The following ATP2B1 variants were observed in gnomAD, a reference collection of about 807,000 sequenced individuals.
The protein encoded by ATP2B1 is ATPase plasma membrane Ca2+ transporting 1.
ATP2B1 carries 14 observed loss-of-function variants against 124.2 expected under a neutral mutation model. The observed-to-expected ratio is 0.11, with a 90% confidence interval of 0.07 to 0.18. ATP2B1 has a LOEUF of 0.18. ATP2B1 is among the 10% of genes least tolerant of loss of function. The pLI is 1.00. For synonymous variants in ATP2B1, 449 were observed against 492.4 expected (o/e 0.91, Z 1.17); for missense variants, 763 against 1,466.1 (o/e 0.52, Z 7.83).
chr12:89,682,928 T>C (rs1419062246), intron 1 of ATP2B1, among the ~76,000 whole-genome samples: 1 of 151,916 alleles, frequency 6.6e-6, no homozygotes, highest in Non-Finnish European at 1.5e-5. Context: ...ATTACCAATA[T>C]CACAGAAAAA....
At chr12:89,641,976 C>G in intron 3 of ATP2B1, 182 bp downstream of exon 3, 1 of 624,476 alleles carries the variant, frequency 1.6e-6, no homozygotes, top group African/African-American at 1.8e-5. Context: ...AGGGAGGTAA[C>G]ACAATCTAAT....
chr12:89,643,065 T>TACATAC, intron 2 of ATP2B1, among the ~76,000 whole-genome samples: 1 of 143,578 alleles, frequency 7.0e-6, no homozygotes, highest in East Asian at 2.0e-4. Flanking sequence ...TAAAGATACA[T>TACATAC]ACACACACAC....
intron 5 of ATP2B1, among the ~76,000 whole-genome samples, chr12:89,633,094 C>T (rs745937193): frequency 3.3e-5 from 5 of 152,084 alleles, no homozygotes; most frequent in Non-Finnish European, 7.4e-5. Flanking sequence ...CTTCCCTCTC[C>T]TTTGGAAAGG....
At position 89,591,249 on chromosome 12, in the gene ATP2B1, T is replaced by C; in HGVS notation, c.3398A>G (p.Glu1133Gly). 2 of 1,612,666 alleles carry C rather than the reference T, an allele frequency of 1.2e-6. No homozygotes were observed. The highest frequency in any genetic ancestry group is 1.1e-5 in the South Asian group (1 of 91,048). Residue 1133 changes from glutamate (E) to glycine (G), a missense_variant, in exon 21 of 21, where the codon GAA (glutamate) becomes GGA (glycine). Transcript: ENST00000428670. ...AFRSSLYEGL[E>G]KPESRSSIHN... ...AATCGAACTTCTTGATTCCGGTTTT[T>C]CTAACCCTTCATATAAAGAACTACG...
intron 12 of ATP2B1, among the ~76,000 whole-genome samples, chr12:89,615,221 C>A (rs1456142634): frequency 1.3e-5 from 2 of 152,186 alleles, no homozygotes; most frequent in African/African-American, 4.8e-5. Flanking sequence ...CAGATTGCAA[C>A]TCAAATGCCA....
At chr12:89,638,698 T>C (rs531378800) in intron 3 of ATP2B1, among the ~76,000 whole-genome samples, 3 of 152,200 alleles carry the variant, frequency 2.0e-5, no homozygotes, top group Non-Finnish European at 4.4e-5. Flanking sequence ...AATGCACTGA[T>C]AAATATTTTG....
At chr12:89,607,965 G>A (rs1350374432) in intron 15 of ATP2B1, among the ~76,000 whole-genome samples, 2 of 151,930 alleles carry the variant, frequency 1.3e-5, no homozygotes, top group African/African-American at 2.4e-5. Flanking sequence ...GCTCTAAAAT[G>A]CTATATCTGC....
At chr12:89,622,064 C>T (rs1413653405) in intron 9 of ATP2B1, among the ~76,000 whole-genome samples, 1 of 151,828 alleles carries the variant, frequency 6.6e-6, no homozygotes, top group South Asian at 2.1e-4. Flanking sequence ...TACCTACATC[C>T]GTACACAAAT....
chr12:89,629,239 C>T (rs1881449939), intron 6 of ATP2B1, among the ~76,000 whole-genome samples: 1 of 152,134 alleles, frequency 6.6e-6, no homozygotes, highest in Non-Finnish European at 1.5e-5. Flanking sequence ...GAGGGTGTGA[C>T]CTGTCACTTA....
At chr12:89,628,471 G>C (rs575537316) in intron 6 of ATP2B1, among the ~76,000 whole-genome samples, 1 of 148,998 alleles carries the variant, frequency 6.7e-6, no homozygotes, top group East Asian at 2.0e-4. Context: ...ATGAGAGTGA[G>C]GACAAAATAT....
intron 1 of ATP2B1, among the ~76,000 whole-genome samples, chr12:89,680,251 A>G (rs999149675): frequency 4.6e-5 from 7 of 152,180 alleles, no homozygotes; most frequent in Non-Finnish European, 8.8e-5. Context: ...CACAAAATGG[A>G]AGAAAACTGT....
At chr12:89,620,806 TAAAG>T in intron 10 of ATP2B1, among the ~76,000 whole-genome samples, 1 of 152,246 alleles carries the variant, frequency 6.6e-6, no homozygotes, top group Non-Finnish European at 1.5e-5. Context: ...ACTCAGTAAT[TAAAG>T]AAGGTAGCTC....
chr12:89,672,563 G>A (rs912503660), intron 1 of ATP2B1, among the ~76,000 whole-genome samples: 9 of 152,058 alleles, frequency 5.9e-5, no homozygotes, highest in African/African-American at 2.2e-4. Flanking sequence ...CCTATCGCGC[G>A]AAATCCTCTT....
At chr12:89,605,175 T>A (rs1314758516) in intron 15 of ATP2B1, among the ~76,000 whole-genome samples, 7 of 152,204 alleles carry the variant, frequency 4.6e-5, no homozygotes, top group Admixed American at 3.9e-4. Context: ...GGATACTGGT[T>A]ATCTTTGCAG....
rs1448450923 is a variant in ATP2B1, at chr12:89,591,248, T to C, written c.3399A>G (p.Glu1133=). The change falls in exon 21 of 21, where the codon GAA becomes GAG. Residue 1133 remains glutamate (E), a synonymous_variant. Transcript: ENST00000428670. ...GAATCGAACTTCTTGATTCCGGTTTTTCTAACCCTTCATATAAAGAACTAC... is the reference window on the plus strand; with the variant it reads ...GAATCGAACTTCTTGATTCCGGTTTCTCTAACCCTTCATATAAAGAACTAC... ...AFRSSLYEGL[E]KPESRSSIHN... 2.5e-6 allele frequency: 4 copies of C among 1,612,556 alleles called. No homozygotes were observed. The African/African-American group carries it at 5.3e-5, about 22-fold the overall frequency.
chr12:89,704,959 T>C (rs1419324625), intron 1 of ATP2B1, among the ~76,000 whole-genome samples: 2 of 152,184 alleles, frequency 1.3e-5, no homozygotes, highest in African/African-American at 2.4e-5. Context: ...TTCGATTACC[T>C]GTCCTATGTC....
At chr12:89,675,688 GACC>G (rs1204559598) in intron 1 of ATP2B1, among the ~76,000 whole-genome samples, 3 of 152,110 alleles carry the variant, frequency 2.0e-5, no homozygotes, top group East Asian at 1.9e-4. Context: ...AAAAAAAAGT[GACC>G]ACCACAACTC....
intron 1 of ATP2B1, among the ~76,000 whole-genome samples, chr12:89,662,682 A>G (rs1435362173): frequency 6.6e-6 from 1 of 152,214 alleles, no homozygotes; most frequent in Non-Finnish European, 1.5e-5. Context: ...GATAAAGCAG[A>G]AAATAAGCAT....
intron 1 of ATP2B1, among the ~76,000 whole-genome samples, chr12:89,705,236 G>C (rs1250907520): frequency 6.6e-6 from 1 of 151,626 alleles, no homozygotes; most frequent in East Asian, 1.9e-4. Context: ...TATTTTCCTG[G>C]CAATGTCACC....
Sources: allele counts gnomAD v4.1 joint callset (sites outside exome capture counted in the v4.1 genomes callset), GRCh38; gene constraint gnomAD v4.1.1; transcripts MANE v1.5; gene names NCBI Gene and HGNC (gene_info 2026-07-23, HGNC 2026-07-21).